The following TP53BP1 variants were observed in gnomAD, a reference collection of about 807,000 sequenced individuals.
TP53BP1 encodes the protein tumor protein p53 binding protein 1.
Under a neutral mutation model 200.8 loss-of-function variants are expected in TP53BP1, and 61 were observed. The ratio of observed to expected loss-of-function variants is 0.30; its 90% CI spans 0.25 to 0.38. The LOEUF (loss-of-function observed/expected upper bound fraction) is 0.38, where lower values mean the gene tolerates loss of function less well. Among genes scored for constraint, TP53BP1 ranks in the 10% least tolerant of loss-of-function variants. TP53BP1 has a pLI of 1.00. For missense variants in TP53BP1, 2,144 were observed against 2,371.9 expected (o/e 0.90, Z 2.00); for synonymous variants, 822 against 844.3 (o/e 0.97, Z 0.46).
At chr15:43,481,800 C>T (rs1437947828) in intron 4 of TP53BP1, among the ~76,000 whole-genome samples, 4 of 128,482 alleles carry the variant, frequency 3.1e-5, no homozygotes, top group East Asian at 2.2e-4. Flanking sequence ...GGTGACAGAG[C>T]GAGACTCTGT....
chr15:43,498,515 G>C lies in TP53BP1; in HGVS notation c.-8-6047C>G, dbSNP rs540386601. Among the ~76,000 whole-genome samples, 45 of 152,228 alleles carry C rather than the reference G, an allele frequency of 3.0e-4. 1 individual carries two copies. Among genetic ancestry groups the C allele is most frequent in the Non-Finnish European group, 1.5e-4 (10 of 68,014 alleles). ...TTAATGGGTGCTTTACAGATAAACA[G>C]CCCATATTCTCCAAAGAGAAAGAGA... On this transcript the variant is annotated intron_variant, in intron 1 of 27. Coordinates refer to the TP53BP1 transcript ENST00000263801.
Position 43,474,747 on chromosome 15 carries a change from G to A in TP53BP1, c.1106C>T (p.Ala369Val). ...AGATCGGAAAGCATCAGGAGAAGGA[G>A]CAACAAGATCTGAAGAATTCCTTTA... is the stretch of plus-strand genomic sequence containing the variant. ...SLSTNSSDLV[A>V]PSPDAFRSTP... Residue 369 changes from alanine (A) to valine (V), a missense_variant, in exon 10 of 28, where the codon GCT becomes GTT. Coordinates refer to ENST00000382044, the MANE Select transcript of TP53BP1 (RefSeq NM_001141980.3). 1 of 1,611,746 alleles carries A rather than the reference G, an allele frequency of 6.2e-7. No individual in the cohort carries two copies. Among genetic ancestry groups the A allele is most frequent in the Admixed American group, 1.7e-5 (1 of 60,002 alleles).
intron 24 of TP53BP1, 27 bp from the exon 25 acceptor site, chr15:43,409,768 AT>A: frequency 8.4e-7 from 1 of 1,190,822 alleles, no homozygotes; most frequent in Non-Finnish European, 1.2e-6. Context: ...AACCAAGATA[AT>A]AATTACTGAG....
chr15:43,475,468 A>T lies in TP53BP1; in HGVS notation c.1085+97T>A, dbSNP rs544654127. 7.0e-6 allele frequency: 10 copies of T among 1,425,978 alleles called. No individual in the cohort carries two copies. The South Asian group carries it at 1.4e-4, about 20-fold the overall frequency. 88.3% of individuals were successfully genotyped at this position (1,425,978 alleles called of 1,614,324 possible). On this transcript the variant is annotated intron_variant, in intron 9 of 27. Transcript: ENST00000382044. ...GGTTCTACCATTTGGTTTCAAAAAG[A>T]ATTCTAGACTAGCAGATAAGTTTAG... is the stretch of plus-strand genomic sequence containing the variant.
At chr15:43,484,443 A>G (rs1006946360) in intron 4 of TP53BP1, among the ~76,000 whole-genome samples, 3 of 152,202 alleles carry the variant, frequency 2.0e-5, no homozygotes, top group African/African-American at 7.2e-5. Flanking sequence ...TTAATCAAGC[A>G]GCCAGAGTGA....
intron 25 of TP53BP1, 58 bp downstream of exon 25, chr15:43,409,589 A>C (rs1357920586): frequency 1.0e-6 from 1 of 979,628 alleles, no homozygotes; most frequent in African/African-American, 1.7e-5. Flanking sequence ...TCTTCTCAAC[A>C]CAGCAAGTTG....
rs374953643 is a variant in TP53BP1 at position 43,457,133 on chromosome 15, A to G, written c.1475T>C (p.Val492Ala). The change falls in exon 12 of 28, where the codon GTT (valine) becomes GCT (alanine). Residue 492 changes from valine (V) to alanine (A), a missense_variant. Physicochemically the swap from Val to Ala is moderately conservative, Grantham distance 64 (BLOSUM62 0). Transcript: ENST00000382044. The part of the protein sequence containing the change: ...DGDMHSSSLT[V>A]ECSKTSEIEP... ...AATCTCTGAAGTTTTAGAACACTCA[A>G]CTGTCAAAGATGAACTATGCATATC... 5.8e-5 allele frequency: 93 copies of G among 1,614,140 alleles called. No individual in the cohort carries two copies. The highest frequency in any genetic ancestry group is 1.5e-4 in the Admixed American group (9 of 60,030).
chr15:43,482,019 A>C (rs575187370), intron 4 of TP53BP1, among the ~76,000 whole-genome samples: 9 of 150,976 alleles, frequency 6.0e-5, no homozygotes, highest in Non-Finnish European at 1.0e-4. Flanking sequence ...CGAGATCAGG[A>C]GATCGAGACC....
At chr15:43,482,023 C>T (rs749523952) in intron 4 of TP53BP1, among the ~76,000 whole-genome samples, 5 of 150,376 alleles carry the variant, frequency 3.3e-5, no homozygotes, top group East Asian at 2.0e-4. Flanking sequence ...ATCAGGAGAT[C>T]GAGACCATCC....
chr15:43,507,197 C>T (rs971558633), intron 1 of TP53BP1, among the ~76,000 whole-genome samples: 4 of 151,916 alleles, frequency 2.6e-5, no homozygotes, highest in Non-Finnish European at 5.9e-5. Flanking sequence ...TACAGTGGCA[C>T]AATCTCCACT....
At chr15:43,412,704 T>A (rs774896156) in intron 24 of TP53BP1, 2 of 471,630 alleles carry the variant, frequency 4.2e-6, no homozygotes, top group East Asian at 6.9e-5. Flanking sequence ...CAGATGCCCA[T>A]AGAACGCAAA....
chr15:43,434,770 A>G (rs1428088896), intron 16 of TP53BP1, among the ~76,000 whole-genome samples: 2 of 152,236 alleles, frequency 1.3e-5, no homozygotes, highest in African/African-American at 4.8e-5. Context: ...AGCCTATGGC[A>G]GTTTGTTGCA....
At chr15:43,492,182 A>C (rs1195832197) in intron 2 of TP53BP1, 87 bp from the exon 3 acceptor site, 3 of 1,504,500 alleles carry the variant, frequency 2.0e-6, no homozygotes, top group Non-Finnish European at 2.8e-6. Context: ...TTTCCAATCA[A>C]CTTTATTGAG....
Position 43,407,558 on chromosome 15 carries a change from C to T in TP53BP1, c.5759G>A (p.Gly1920Glu). Reference protein sequence around the residue: ...SSAHNKDIALGVFDVVVTDPS... With the variant: ...SSAHNKDIALEVFDVVVTDPS... ...GTCCGTCACCACCACATCAAATACC[C>T]CTAAAGCAATATCTGCAAGGAGCAA... Residue 1920 changes from glycine (G) to glutamate (E), a missense_variant, in exon 28 of 28, where the codon GGG (glycine) becomes GAG (glutamate). Around this residue, in one of 4 missense-constraint regions of TP53BP1, gnomAD observed 334 missense variants for 453.4 expected, o/e 0.74. Coordinates refer to ENST00000382044, the MANE Select transcript of TP53BP1 (RefSeq NM_001141980.3). The T allele has an allele frequency of 1.2e-6, 2 of 1,611,774 alleles. No individual in the cohort carries two copies. The highest frequency in any genetic ancestry group is 1.7e-6 in the Non-Finnish European group (2 of 1,178,384).
At chr15:43,446,668 A>C in intron 13 of TP53BP1, 78 bp from the exon 14 acceptor site, 1 of 1,569,704 alleles carries the variant, frequency 6.4e-7, no homozygotes, top group Admixed American at 1.8e-5. Flanking sequence ...CAAGGTCATC[A>C]ATTTGCCTGT....
intron 12 of TP53BP1, 116 bp downstream of exon 12, chr15:43,455,776 C>G (rs2046278542): frequency 8.0e-7 from 1 of 1,255,280 alleles, no homozygotes; most frequent in Admixed American, 2.8e-5. Flanking sequence ...ATTGGTTGTT[C>G]ATAAACATAA....
chr15:43,438,860 T>C (rs1251132747), intron 15 of TP53BP1, among the ~76,000 whole-genome samples: 2 of 151,880 alleles, frequency 1.3e-5, no homozygotes, highest in African/African-American at 4.8e-5. Flanking sequence ...ACACCATTTA[T>C]GAGACAATCA....
intron 11 of TP53BP1, among the ~76,000 whole-genome samples, chr15:43,465,164 T>C (rs547050658): frequency 1.1e-4 from 17 of 152,100 alleles, no homozygotes; most frequent in African/African-American, 3.9e-4. Context: ...TGGTGTCTAC[T>C]TTCCATTTGT....
chr15:43,475,512 TAA>T, intron 9 of TP53BP1, 51 bp downstream of exon 9: 1 of 1,603,860 alleles, frequency 6.2e-7, no homozygotes, highest in East Asian at 2.2e-5. Context: ...AGCCTTAGCC[TAA>T]GACTCTCAGG....
Sources: gnomAD v4.1 joint callset for allele counts (sites outside exome capture counted in the v4.1 genomes callset) on GRCh38, gnomAD v4.1.1 for gene constraint, gnomAD v4.1.1 regional missense constraint, MANE v1.5 for transcripts, NCBI Gene and HGNC (gene_info 2026-07-23, HGNC 2026-07-21) for gene names.